The following GSE1 variants were observed in gnomAD, a reference collection of about 807,000 sequenced individuals.
GSE1 encodes the protein genetic suppressor element 1.
GSE1 carries 32 observed loss-of-function variants against 112.6 expected under a neutral mutation model. That is an observed-to-expected ratio of 0.28 (90% confidence interval 0.21 to 0.38). The LOEUF is 0.38. Ranked by LOEUF, GSE1 falls within the 10% of genes least tolerant of loss-of-function variation. The pLI is 1.00. For missense variants in GSE1, 2,348 were observed against 1,699.2 expected, an observed-to-expected ratio of 1.38 and a Z score of -6.71; for synonymous variants, 1,115 against 735.6, an observed-to-expected ratio of 1.52 and a Z score of -8.35.
chr16:85,377,351 G>GC (rs1443230439), intron 2 of GSE1, among the ~76,000 whole-genome samples: 2 of 152,126 alleles, frequency 1.3e-5, no homozygotes, highest in South Asian at 2.1e-4. Context: ...TTGGCTCCTG[G>GC]CCCCCCTTGC....
chr16:85,594,793 G>A (rs2047151520), intron 1 of GSE1: 1 of 152,340 alleles, frequency 6.6e-6, no homozygotes, highest in African/African-American at 2.4e-5. Flanking sequence ...CAGGCCCAGT[G>A]TCTGTGGCTG....
chr16:85,628,281 G>C (rs1475553384), intron 1 of GSE1, among the ~76,000 whole-genome samples: 1 of 152,252 alleles, frequency 6.6e-6, no homozygotes, highest in Non-Finnish European at 1.5e-5. Flanking sequence ...CATCAGCAGA[G>C]CCGCTTCCCA....
intron 2 of GSE1, among the ~76,000 whole-genome samples, chr16:85,473,771 C>T (rs938811859): frequency 2.0e-5 from 3 of 151,792 alleles, no homozygotes; most frequent in Non-Finnish European, 2.9e-5. Flanking sequence ...CTGTCTTTTG[C>T]GGGGCGGAGG....
chr16:85,366,545 G>T (rs1010922343), intron 2 of GSE1, among the ~76,000 whole-genome samples: 1 of 152,228 alleles, frequency 6.6e-6, no homozygotes. Flanking sequence ...CTCTTTCCTT[G>T]TAAGTGGGTC....
intron 1 of GSE1, among the ~76,000 whole-genome samples, chr16:85,270,352 CCTT>C (rs1242448478): frequency 2.7e-5 from 4 of 148,914 alleles, no homozygotes; most frequent in Non-Finnish European, 6.1e-5. Flanking sequence ...GAGAGAGTCT[CCTT>C]CTTGGTGTCC....
intron 1 of GSE1, among the ~76,000 whole-genome samples, chr16:85,203,589 AC>A (rs1209086617): frequency 6.6e-6 from 1 of 152,008 alleles, no homozygotes. Context: ...GCCTAGAGTC[AC>A]CCCACTCTAC....
In GSE1 at chr16:85,419,605, C is replaced by CA. The variant is rs35813254; in HGVS notation, c.2464+61974dup. The stretch of plus-strand genomic sequence containing the variant: ...TGGGCAATAGAGCAAGGCTGTGTCT[C>CA]AAAAAAAAAAAACAAAAAACAAAAA... On this transcript the variant is annotated intron_variant, in intron 2 of 2. Coordinates refer to the GSE1 transcript ENST00000637419. The surrounding 1 kb of genome is among the most constrained non-coding windows in gnomAD (Gnocchi z 6.5). Among the ~76,000 whole-genome samples, 50 of 145,580 alleles carry CA rather than the reference C, an allele frequency of 3.4e-4. No homozygotes were observed. The highest frequency in any genetic ancestry group is 6.8e-4 in the Admixed American group (10 of 14,812).
chr16:85,546,951 C>T (rs548067922), intron 2 of GSE1, among the ~76,000 whole-genome samples: 1 of 152,350 alleles, frequency 6.6e-6, no homozygotes, highest in African/African-American at 2.4e-5. Context: ...GCCAGGCTTC[C>T]ACCCAAAGCC....
At chr16:85,303,709 C>T (rs906809904) in intron 1 of GSE1, among the ~76,000 whole-genome samples, 4 of 152,268 alleles carry the variant, frequency 2.6e-5, no homozygotes, top group African/African-American at 9.6e-5. Flanking sequence ...GCTGGGGCCA[C>T]AGGCACCGGC....
exon 1 of GSE1, chr16:85,171,743 C>T (rs1274876686): frequency 1.7e-5 from 17 of 985,460 alleles, no homozygotes; most frequent in Non-Finnish European, 1.7e-5. Flanking sequence ...CTGGTGTGTG[C>T]GGGCCAAGGG....
At chr16:85,253,066 C>T (rs1906668965) in intron 1 of GSE1, among the ~76,000 whole-genome samples, 1 of 77,422 alleles carries the variant, frequency 1.3e-5, no homozygotes, top group Non-Finnish European at 2.6e-5. Context: ...CCGCCCCCCC[C>T]CCACCCCCCC....
intron 1 of GSE1, among the ~76,000 whole-genome samples, chr16:85,630,685 C>T (rs141155151): frequency 7.9e-5 from 12 of 152,318 alleles, no homozygotes; most frequent in Admixed American, 2.6e-4. Context: ...TGACCATTCA[C>T]GCCTTCTGAT....
intron 1 of GSE1, among the ~76,000 whole-genome samples, chr16:85,570,607 CCAGCGGGT>C (rs2045943596): frequency 6.6e-6 from 1 of 152,226 alleles, no homozygotes; most frequent in Admixed American, 6.5e-5. Flanking sequence ...AGAGAGGTGG[CCAGCGGGT>C]CAGACCGGTG....
At chr16:85,462,166 C>G (rs1187661663) in intron 2 of GSE1, among the ~76,000 whole-genome samples, 2 of 152,186 alleles carry the variant, frequency 1.3e-5, no homozygotes, top group Non-Finnish European at 2.9e-5. Context: ...CGGGTCTGCC[C>G]CTCCTTGCCA....
At chr16:85,447,674 G>T (rs564988497) in intron 2 of GSE1, among the ~76,000 whole-genome samples, 1 of 152,218 alleles carries the variant, frequency 6.6e-6, no homozygotes, top group Non-Finnish European at 1.5e-5. Flanking sequence ...GGCTCTGTGG[G>T]GCTCGGAGCT....
intron 1 of GSE1, among the ~76,000 whole-genome samples, chr16:85,312,208 G>A (rs929384418): frequency 6.7e-6 from 1 of 149,306 alleles, no homozygotes; most frequent in Non-Finnish European, 1.5e-5. Flanking sequence ...CTCTTGCGGG[G>A]GGGGGGGGGA....
At chr16:85,328,919 G>A (rs188259936) in intron 1 of GSE1, among the ~76,000 whole-genome samples, 1 of 152,342 alleles carries the variant, frequency 6.6e-6, no homozygotes, top group Admixed American at 6.5e-5. Context: ...GCCTGGCAGA[G>A]GAAGAGGATG....
chr16:85,430,718 C>A (rs1042571807), intron 2 of GSE1, among the ~76,000 whole-genome samples: 1 of 152,226 alleles, frequency 6.6e-6, no homozygotes, highest in Non-Finnish European at 1.5e-5. Context: ...CTAGGGCATT[C>A]GTCTGAAGGG....
intron 1 of GSE1, among the ~76,000 whole-genome samples, chr16:85,355,647 G>A (rs1320225123): frequency 6.6e-6 from 1 of 152,200 alleles, no homozygotes; most frequent in East Asian, 1.9e-4. Context: ...GCACAACACT[G>A]GGAATGTACT....
Sources: allele counts gnomAD v4.1 joint callset (sites outside exome capture counted in the v4.1 genomes callset), GRCh38; gene constraint gnomAD v4.1.1; non-coding constraint Gnocchi (gnomAD v3.1); transcripts MANE v1.5; gene names NCBI Gene and HGNC (gene_info 2026-07-23, HGNC 2026-07-21).